Variants in MSH4 observed in about 807,000 individuals in gnomAD.
MSH4 encodes the protein mutS protein homolog 4.
A neutral mutation model predicts 113.7 loss-of-function variants in MSH4; 106 were observed. That is an observed-to-expected ratio of 0.93 (90% CI 0.80 to 1.10). The LOEUF is 1.10. MSH4 is among the 50% of genes least tolerant of loss of function. The pLI is 0.00. For synonymous variants in MSH4, 368 were observed against 380.2 expected, an observed-to-expected ratio of 0.97 and a Z score of 0.37; for missense variants, 1,061 against 1,093.7, an observed-to-expected ratio of 0.97 and a Z score of 0.42.
intron 8 of MSH4, among the ~76,000 whole-genome samples, chr1:75,866,114 ATTAG>A (rs954464443): frequency 2.0e-5 from 3 of 152,238 alleles, no homozygotes; most frequent in Admixed American, 6.5e-5. Flanking sequence ...ACATTCATTC[ATTAG>A]TTAGTCTTTC....
chr1:75,875,409 A>G lies in MSH4; in HGVS notation c.1306-1527A>G, dbSNP rs139211330. 2.3e-4 allele frequency among the ~76,000 whole-genome samples: 35 copies of G among 152,322 alleles called. 1 individual carries two copies. Among genetic ancestry groups the G allele is most frequent in the African/African-American group, 8.4e-4 (35 of 41,582 alleles). ...TTTTGTTAAGCAAAATAAAATTCCT[A>G]TTTTTACTGTATAAGAATGGAGCAG... On this transcript the variant is annotated intron_variant, in intron 9 of 19. Transcript: ENST00000263187.
chr1:75,814,974 G>GCGC (rs753633756), intron 4 of MSH4, 47 bp from the exon 5 acceptor site: 35 of 1,139,890 alleles, frequency 3.1e-5, no homozygotes, highest in Non-Finnish European at 4.4e-5. Flanking sequence ...TTTTGGGCAA[G>GCGC]CGCATGGCAC....
intron 7 of MSH4, among the ~76,000 whole-genome samples, chr1:75,827,571 G>A (rs955139224): frequency 6.6e-6 from 1 of 151,628 alleles, no homozygotes; most frequent in African/African-American, 2.4e-5. Context: ...AGACCCATCA[G>A]TGTGCTGTAT....
Position 75,912,941 on chromosome 1 carries a change from T to C in MSH4, c.*54T>C. On this transcript the variant is annotated 3_prime_UTR_variant, in exon 20 of 20. Coordinates refer to ENST00000263187, the MANE Select transcript of MSH4 (RefSeq NM_002440.4). ...AATTCAAGGAACCTAGAATTTATTT[T>C]TCTCCTTAGAGATAAGGAAAATAAC... 8.5e-7 allele frequency: 1 copy of C among 1,174,268 alleles called. No homozygotes were observed. The allele number at this position is 1,174,268 out of a possible 1,614,324, so 72.7% of individuals were successfully genotyped here. A position where few individuals can be genotyped will look rare whatever the true frequency, so the allele number is the denominator to read the frequency against.
At chr1:75,828,055 A>G (rs1343574296) in intron 7 of MSH4, among the ~76,000 whole-genome samples, 2 of 152,242 alleles carry the variant, frequency 1.3e-5, no homozygotes, top group Non-Finnish European at 2.9e-5. Context: ...CATATGAAAA[A>G]ATGCTCAATG....
At chr1:75,881,482 C>T in intron 14 of MSH4, 112 bp downstream of exon 14, 1 of 1,112,514 alleles carries the variant, frequency 9.0e-7, no homozygotes, top group South Asian at 1.5e-5. Flanking sequence ...AATAGAGTCT[C>T]TTGCCTCTGG....
At chr1:75,798,101 G>A (rs746340478) in intron 1 of MSH4, among the ~76,000 whole-genome samples, 3 of 152,096 alleles carry the variant, frequency 2.0e-5, no homozygotes, top group Non-Finnish European at 4.4e-5. Flanking sequence ...TTCATCTCAT[G>A]TGACCTTTCT....
At chr1:75,867,723 T>C (rs919995093) in intron 9 of MSH4, 135 bp downstream of exon 9, 2 of 611,810 alleles carry the variant, frequency 3.3e-6, no homozygotes, top group Admixed American at 6.7e-5. Context: ...TTGTACATAC[T>C]TTACATACAC....
rs1051037190 is a variant in MSH4 at position 75,881,429 on chromosome 1, C to T, written c.1906+59C>T. The T allele has an allele frequency of 5.4e-5, 83 of 1,537,224 alleles. No individual in the cohort carries two copies. The African/African-American group carries it at 1.0e-3, about 19-fold the overall frequency. ...TAGTTAAATTTGTATTCGATTCAAA[C>T]AATTTGATATAATAGTTATGACATT... On this transcript the variant is annotated intron_variant, in intron 14 of 19. Transcript: ENST00000263187.
chr1:75,849,440 A>G (rs1651141212), intron 8 of MSH4, among the ~76,000 whole-genome samples: 1 of 152,204 alleles, frequency 6.6e-6, no homozygotes, highest in South Asian at 2.1e-4. Context: ...TTGCACATCA[A>G]TAAAATTTAA....
At chr1:75,907,695 T>C (rs113268757) in intron 19 of MSH4, among the ~76,000 whole-genome samples, 6,098 of 89,854 alleles carry the variant, frequency 0.068, 310 homozygotes, top group African/African-American at 0.15. Flanking sequence ...TATACATATA[T>C]ATATATATAT....
At chr1:75,902,270 A>G (rs1652521740) in intron 19 of MSH4, among the ~76,000 whole-genome samples, 1 of 151,980 alleles carries the variant, frequency 6.6e-6, no homozygotes, top group African/African-American at 2.4e-5. Flanking sequence ...GGTATATTGC[A>G]TACTGCTGTG....
chr1:75,797,061 C>A lies in MSH4; in HGVS notation c.76C>A (p.Pro26Thr). The change falls in exon 1 of 20, where the codon CCT (proline) becomes ACT (threonine). Residue 26 changes from proline to threonine, a missense_variant. Transcript: ENST00000263187. ...CCCGTCGTCGGGAGAAACCCGCTCA[C>A]CTCAGGGTCCCCGCTACAATTTCGG... ...VSPSSGETRS[P>T]QGPRYNFGLQ... 6.2e-7 allele frequency: 1 copy of A among 1,614,058 alleles called. No individual in the cohort carries two copies. The highest frequency in any genetic ancestry group is 1.3e-5 in the African/African-American group (1 of 75,054).
intron 1 of MSH4, among the ~76,000 whole-genome samples, chr1:75,802,650 G>A (rs960346199): frequency 2.0e-5 from 3 of 152,150 alleles, no homozygotes; most frequent in Non-Finnish European, 4.4e-5. Flanking sequence ...ATTTGCATAG[G>A]GGAGAGAAAT....
At chr1:75,818,144 A>G (rs995524291) in intron 6 of MSH4, among the ~76,000 whole-genome samples, 2 of 152,170 alleles carry the variant, frequency 1.3e-5, no homozygotes, top group East Asian at 1.9e-4. Flanking sequence ...TATTCTCAAC[A>G]TATTAATAGT....
At position 75,902,701 on chromosome 1, in the gene MSH4, A is replaced by G. The variant is rs1399425935; in HGVS notation, c.2619+2995A>G. Among the ~76,000 whole-genome samples the G allele has an allele frequency of 8.6e-4, 24 of 27,776 alleles. 2 individuals are homozygous for G. Among genetic ancestry groups the G allele is most frequent in the African/African-American group, 1.9e-3 (9 of 4,746 alleles). The allele number at this position is 27,776 out of a possible 152,430, so 18.2% of individuals were successfully genotyped here. The stretch of plus-strand genomic sequence containing the variant: ...TATATATATATATATATATATATAT[A>G]TATATATATATATATATATATATAT... On this transcript the variant is annotated intron_variant, in intron 19 of 19. Coordinates refer to ENST00000263187, the MANE Select transcript of MSH4 (RefSeq NM_002440.4).
At chr1:75,821,061 G>A (rs1416122115) in intron 6 of MSH4, among the ~76,000 whole-genome samples, 1 of 151,846 alleles carries the variant, frequency 6.6e-6, no homozygotes, top group Non-Finnish European at 1.5e-5. Flanking sequence ...GGACGTAATA[G>A]ACATCTACAG....
chr1:75,852,180 G>A (rs751987803), intron 8 of MSH4, among the ~76,000 whole-genome samples: 2 of 152,072 alleles, frequency 1.3e-5, no homozygotes, highest in Non-Finnish European at 2.9e-5. Flanking sequence ...TTAGCATAAC[G>A]TTTTCAAGTT....
chr1:75,809,629 C>CTTTTTT (rs35082709), intron 3 of MSH4, among the ~76,000 whole-genome samples: 2 of 96,046 alleles, frequency 2.1e-5, no homozygotes, highest in East Asian at 2.9e-4. Flanking sequence ...CATAGTTACC[C>CTTTTTT]TTTTTTTTTT....
Sources: allele counts gnomAD v4.1 joint callset (sites outside exome capture counted in the v4.1 genomes callset), GRCh38; gene constraint gnomAD v4.1.1; transcripts MANE v1.5; gene names NCBI Gene and HGNC (gene_info 2026-07-23, HGNC 2026-07-21).